The following AGBL4 variants were observed in gnomAD, a reference collection of about 807,000 sequenced individuals.
AGBL4 encodes AGBL carboxypeptidase 4.
In AGBL4, 58 loss-of-function variants were observed where a neutral mutation model predicts 66.4. The observed-to-expected ratio is 0.87, with a 90% CI of 0.71 to 1.09. The LOEUF (loss-of-function observed/expected upper bound fraction) is 1.09, where lower values mean the gene tolerates loss of function less well. AGBL4 is among the 50% of genes least tolerant of loss of function. The pLI is 0.00. For synonymous variants in AGBL4, 234 were observed against 222.9 expected (o/e 1.05, Z -0.44); for missense variants, 579 against 631.0 (o/e 0.92, Z 0.88).
chr1:49,394,447 T>C (rs1372666513), intron 3 of AGBL4, among the ~76,000 whole-genome samples: 1 of 152,072 alleles, frequency 6.6e-6, no homozygotes, highest in Non-Finnish European at 1.5e-5. Flanking sequence ...TAATCCAGTT[T>C]TTAAAGCTGA....
At chr1:49,627,295 T>C (rs1240859769) in intron 3 of AGBL4, among the ~76,000 whole-genome samples, 1 of 152,080 alleles carries the variant, frequency 6.6e-6, no homozygotes, top group Admixed American at 6.6e-5. Context: ...TTAAAGAAAA[T>C]ATTTTTAAAT....
At chr1:48,884,247 A>G (rs1226621942) in intron 5 of AGBL4, among the ~76,000 whole-genome samples, 9 of 152,164 alleles carry the variant, frequency 5.9e-5, no homozygotes, top group Non-Finnish European at 4.4e-5. Flanking sequence ...CCATTCTCAC[A>G]CAGGTGAGGA....
intron 3 of AGBL4, among the ~76,000 whole-genome samples, chr1:49,383,928 C>A (rs1453322709): frequency 2.0e-5 from 3 of 151,988 alleles, no homozygotes; most frequent in African/African-American, 7.3e-5. Flanking sequence ...TCCTGAATAG[C>A]TGGGACTACA....
chr1:49,935,669 C>T (rs566439242), intron 1 of AGBL4, among the ~76,000 whole-genome samples: 2 of 152,256 alleles, frequency 1.3e-5, no homozygotes, highest in Admixed American at 6.5e-5. Flanking sequence ...CAGCAGCATT[C>T]GCGGTTCATG....
intron 5 of AGBL4, among the ~76,000 whole-genome samples, chr1:48,982,787 C>T (rs923285959): frequency 6.6e-6 from 1 of 151,940 alleles, no homozygotes; most frequent in African/African-American, 2.4e-5. Flanking sequence ...ACTGACTTCC[C>T]CAATGGTTGA....
At chr1:49,614,924 C>T (rs1645223169) in intron 3 of AGBL4, among the ~76,000 whole-genome samples, 1 of 152,108 alleles carries the variant, frequency 6.6e-6, no homozygotes, top group Non-Finnish European at 1.5e-5. Context: ...CTAGTAAGGT[C>T]TGGCACAAAA....
At chr1:48,613,970 CATTTTA>C (rs1332015964) in intron 9 of AGBL4, among the ~76,000 whole-genome samples, 1 of 152,144 alleles carries the variant, frequency 6.6e-6, no homozygotes, top group Non-Finnish European at 1.5e-5. Context: ...TGTTAGTGGG[CATTTTA>C]ATTTTAACTA....
rs531048132 is a variant in AGBL4 at position 49,907,505 on chromosome 1, G to A, written c.35-55987C>T. 2.6e-4 allele frequency among the ~76,000 whole-genome samples: 39 copies of A among 152,028 alleles called. No individual in the cohort carries two copies. In the South Asian group the frequency reaches 3.8e-3, roughly 15 times the overall value. ...CATTAAATTTCATTAAATGCCCTTA[G>A]GTAGGAATTATTATCTTAATTTGCA... On this transcript the variant is annotated intron_variant, in intron 1 of 13. Coordinates refer to ENST00000371839, the MANE Select transcript of AGBL4 (RefSeq NM_032785.4).
At chr1:49,399,477 C>T (rs1423973756) in intron 3 of AGBL4, among the ~76,000 whole-genome samples, 1 of 152,056 alleles carries the variant, frequency 6.6e-6, no homozygotes, top group Admixed American at 6.6e-5. Flanking sequence ...TATGAGGGTT[C>T]CCTTTTCTCT....
chr1:48,762,126 G>A (rs1427382029), intron 6 of AGBL4, among the ~76,000 whole-genome samples: 1 of 152,226 alleles, frequency 6.6e-6, no homozygotes, highest in Non-Finnish European at 1.5e-5. Context: ...TTCAAACCCA[G>A]AGGATGGAAG....
intron 4 of AGBL4, among the ~76,000 whole-genome samples, chr1:49,129,019 T>C (rs1302718231): frequency 6.6e-6 from 1 of 151,914 alleles, no homozygotes; most frequent in East Asian, 1.9e-4. Flanking sequence ...ACTAGTAAGA[T>C]AATAGAATCA....
At chr1:49,202,601 C>T (rs897530705) in intron 4 of AGBL4, among the ~76,000 whole-genome samples, 1 of 151,872 alleles carries the variant, frequency 6.6e-6, no homozygotes, top group African/African-American at 2.4e-5. Context: ...TATCTTAAAA[C>T]AAAAAGAAAC....
At chr1:49,500,790 A>G (rs1304837427) in intron 3 of AGBL4, among the ~76,000 whole-genome samples, 1 of 152,030 alleles carries the variant, frequency 6.6e-6, no homozygotes, top group Non-Finnish European at 1.5e-5. Context: ...GCCTTGAGGT[A>G]TAGTTTGAAG....
chr1:48,888,293 A>T (rs940730494), intron 5 of AGBL4, among the ~76,000 whole-genome samples: 1 of 152,088 alleles, frequency 6.6e-6, no homozygotes, highest in African/African-American at 2.4e-5. Context: ...GTCAATGGGG[A>T]GCTACTTTCT....
intron 3 of AGBL4, among the ~76,000 whole-genome samples, chr1:49,629,070 A>C (rs571295628): frequency 1.3e-5 from 2 of 152,238 alleles, no homozygotes; most frequent in Non-Finnish European, 2.9e-5. Context: ...CCTTTTAAAA[A>C]GGGGTCATCA....
At position 49,377,919 on chromosome 1, in the gene AGBL4, TC is replaced by T. The variant is rs368019967; in HGVS notation, c.283-132056del. Among the ~76,000 whole-genome samples the T allele has an allele frequency of 3.9e-4, 59 of 152,140 alleles. 1 individual carries two copies. Among genetic ancestry groups the T allele is most frequent in the African/African-American group, 1.3e-3 (56 of 41,522 alleles). On this transcript the variant is annotated intron_variant, in intron 3 of 13. Coordinates refer to ENST00000371839, the MANE Select transcript of AGBL4 (RefSeq NM_032785.4). ...ACAGTCTGAAACAAAGGCAATCAGT[TC>T]CATGCTTGTGAGACACATAAAAATG...
At chr1:48,977,753 C>T (rs536125322) in intron 5 of AGBL4, among the ~76,000 whole-genome samples, 8 of 152,150 alleles carry the variant, frequency 5.3e-5, no homozygotes, top group Admixed American at 1.3e-4. Context: ...CAATTACTAA[C>T]GAAAATTGGG....
intron 5 of AGBL4, among the ~76,000 whole-genome samples, chr1:48,898,234 T>G (rs867130540): frequency 3.9e-5 from 6 of 152,208 alleles, no homozygotes; most frequent in Admixed American, 6.5e-5. Context: ...TAAAAATGTT[T>G]TCTCCCATTC....
At chr1:49,215,735 G>A (rs914059211) in intron 4 of AGBL4, among the ~76,000 whole-genome samples, 6 of 151,918 alleles carry the variant, frequency 3.9e-5, no homozygotes, top group East Asian at 1.9e-4. Flanking sequence ...CACCTCGACC[G>A]CGTTTGCTCA....
Sources: allele counts gnomAD v4.1 joint callset (sites outside exome capture counted in the v4.1 genomes callset), GRCh38; gene constraint gnomAD v4.1.1; transcripts MANE v1.5; gene names NCBI Gene and HGNC (gene_info 2026-07-23, HGNC 2026-07-21).